Variants in CRY2 observed in about 807,000 individuals in gnomAD.
CRY2 encodes the protein cryptochrome-2.
A neutral mutation model predicts 69.5 loss-of-function variants in CRY2; 31 were observed. The observed-to-expected ratio is 0.45, with a 90% confidence interval of 0.34 to 0.60. The LOEUF is 0.60. Ranked by LOEUF, CRY2 falls within the 20% of genes least tolerant of loss-of-function variation. The pLI is 0.02. For synonymous variants in CRY2, 303 were observed against 312.2 expected, an observed-to-expected ratio of 0.97 and a Z score of 0.31; for missense variants, 606 against 797.8, an observed-to-expected ratio of 0.76 and a Z score of 2.90.
intron 5 of CRY2, among the ~76,000 whole-genome samples, chr11:45,862,471 G>T (rs2086295605): frequency 6.6e-6 from 1 of 152,206 alleles, no homozygotes; most frequent in Non-Finnish European, 1.5e-5. Flanking sequence ...GAGAGGTTAA[G>T]TAACTTGCCT....
intron 1 of CRY2, among the ~76,000 whole-genome samples, chr11:45,850,457 A>G (rs1419457967): frequency 1.3e-5 from 2 of 152,184 alleles, no homozygotes; most frequent in East Asian, 3.9e-4. Context: ...GAAGAAAGAG[A>G]TGAAGTAACA....
chr11:45,862,868 C>T (rs1466280938), intron 5 of CRY2, among the ~76,000 whole-genome samples: 1 of 152,200 alleles, frequency 6.6e-6, no homozygotes, highest in Admixed American at 6.5e-5. Flanking sequence ...TCCTCACTCC[C>T]CTGCAGCTAG....
chr11:45,867,772 C>G lies in CRY2; in HGVS notation c.882+20C>G. The G allele has an allele frequency of 6.2e-7, 1 of 1,613,970 alleles. No homozygotes were observed. Among genetic ancestry groups the G allele is most frequent in the South Asian group, 1.1e-5 (1 of 91,080 alleles). ...AAAAAGGTAAGGGGGACATACCTGC[C>G]CACATTGCACCTAAGGCCTGCAGCC... On this transcript the variant is annotated intron_variant, in intron 6 of 11. Transcript: ENST00000616080.
intron 3 of CRY2, 141 bp downstream of exon 3, chr11:45,859,014 T>C (rs2086264998): frequency 5.8e-6 from 6 of 1,037,510 alleles, no homozygotes; most frequent in Non-Finnish European, 6.9e-6. Context: ...TGGAGGAGAA[T>C]AGGCCAGAGT....
intron 6 of CRY2, among the ~76,000 whole-genome samples, 157 bp from the exon 7 acceptor site, chr11:45,869,349 G>A (rs1324906560): frequency 6.6e-6 from 1 of 152,220 alleles, no homozygotes; most frequent in Non-Finnish European, 1.5e-5. Flanking sequence ...TCACATGCAG[G>A]CATGCTGTGC....
At chr11:45,879,844 G>T (rs1468678241) in intron 11 of CRY2, among the ~76,000 whole-genome samples, 1 of 152,158 alleles carries the variant, frequency 6.6e-6, no homozygotes, top group African/African-American at 2.4e-5. Context: ...GCCAGGGTTG[G>T]CTTCTTTTCT....
Position 45,847,511 on chromosome 11 carries a change from G to T in CRY2, c.21G>T (p.Thr7=). The change falls in exon 1 of 12, where the codon ACG becomes ACT. Residue 7 remains threonine (T), a synonymous_variant. Coordinates refer to ENST00000616080, the MANE Select transcript of CRY2 (RefSeq NM_021117.5). The part of the protein sequence containing the change: MAATVA[T]AAAVAPAPAP... ...CAGTCATGGCGGCGACTGTGGCGAC[G>T]GCGGCAGCTGTGGCCCCGGCGCCAG... 1 of 1,592,202 alleles carries T rather than the reference G, an allele frequency of 6.3e-7. No individual in the cohort carries two copies. Among genetic ancestry groups the T allele is most frequent in the Non-Finnish European group, 8.5e-7 (1 of 1,173,944 alleles).
chr11:45,848,319 G>C (rs2086168716), intron 1 of CRY2, among the ~76,000 whole-genome samples: 1 of 152,204 alleles, frequency 6.6e-6, no homozygotes, highest in Non-Finnish European at 1.5e-5. Context: ...GGCGTCTTCA[G>C]GTGGAGTCGC....
chr11:45,862,768 G>A (rs1166401521), intron 5 of CRY2, among the ~76,000 whole-genome samples: 2 of 152,128 alleles, frequency 1.3e-5, no homozygotes, highest in African/African-American at 4.8e-5. Flanking sequence ...ATTTCCATAT[G>A]CTTGGACACA....
rs117955779 is a variant in CRY2, at chr11:45,867,893, C to T, written c.882+141C>T. 95 of 1,091,666 alleles carry T rather than the reference C, an allele frequency of 8.7e-5. 1 individual carries two copies. The highest frequency in any genetic ancestry group is 1.1e-4 in the Non-Finnish European group (83 of 774,062). The allele number at this position is 1,091,666 out of a possible 1,614,324, so 67.6% of individuals were successfully genotyped here. A position where few individuals can be genotyped will look rare whatever the true frequency, so the allele number is the denominator to read the frequency against. ...AGGGCCTAAGTGTGTGCAGATAGTCCGGAGGAGGAGAGAAGACTCAATATC... is the reference window on the plus strand; with the variant it reads ...AGGGCCTAAGTGTGTGCAGATAGTCTGGAGGAGGAGAGAAGACTCAATATC... On this transcript the variant is annotated intron_variant, in intron 6 of 11. Transcript: ENST00000616080.
intron 4 of CRY2, chr11:45,861,299 C>T (rs529447442): frequency 1.4e-4 from 56 of 410,672 alleles, no homozygotes; most frequent in African/African-American, 9.3e-4. Flanking sequence ...ACTAACCTCT[C>T]GCAGACAATA....
intron 5 of CRY2, 21 bp from the exon 6 acceptor site, chr11:45,867,591 C>T (rs1487537760): frequency 6.2e-7 from 1 of 1,613,902 alleles, no homozygotes; most frequent in Admixed American, 1.7e-5. Context: ...TTCCTTTTGC[C>T]ACCTTCTCTT....
Position 45,847,693 on chromosome 11 carries a change from T to G in CRY2, c.203T>G (p.Ile68Ser). The change falls in exon 1 of 12, where the codon ATC becomes AGC. Residue 68 changes from isoleucine (I) to serine (S), a missense_variant. Physicochemically the swap from Ile to Ser is moderately radical, Grantham distance 142. Around this residue, in one of 5 missense-constraint regions of CRY2, gnomAD observed 382 missense variants for 508.9 expected, o/e 0.75. Transcript: ENST00000616080. ...PWFAASSSVG[I>S]NRWRFLLQSL... The stretch of plus-strand genomic sequence containing the variant: ...TTCGCGGCCTCCTCCTCAGTCGGGA[T>G]CAACCGATGGAGGTGAGGGGACCCG... 6.4e-7 allele frequency: 1 copy of G among 1,573,546 alleles called. No individual in the cohort carries two copies.
chr11:45,872,377 C>T (rs1341899948), intron 11 of CRY2, 144 bp downstream of exon 11: 3 of 745,590 alleles, frequency 4.0e-6, no homozygotes, highest in South Asian at 1.8e-5. Flanking sequence ...AAAGCTTTAC[C>T]ATTTTACAGT....
chr11:45,867,465 A>G (rs1194415608), intron 5 of CRY2, 147 bp from the exon 6 acceptor site: 2 of 989,506 alleles, frequency 2.0e-6, no homozygotes, highest in African/African-American at 1.6e-5. Flanking sequence ...GTTCCGTCTC[A>G]AAATCGGCTG....
chr11:45,860,623 C>T (rs2086279619), intron 3 of CRY2, among the ~76,000 whole-genome samples: 2 of 152,102 alleles, frequency 1.3e-5, no homozygotes, highest in Admixed American at 1.3e-4. Flanking sequence ...CTGCCTTGCT[C>T]CATTACTGAG....
chr11:45,862,580 C>A (rs2086296583), intron 5 of CRY2, among the ~76,000 whole-genome samples: 2 of 152,178 alleles, frequency 1.3e-5, no homozygotes, highest in Admixed American at 6.5e-5. Flanking sequence ...TAGGAATGCT[C>A]ACCTTATAAC....
intron 1 of CRY2, among the ~76,000 whole-genome samples, chr11:45,853,459 G>A (rs1344930088): frequency 6.6e-6 from 1 of 152,146 alleles, no homozygotes; most frequent in Admixed American, 6.5e-5. Flanking sequence ...TCTCCTTTTA[G>A]TAAATGAGGT....
Position 45,860,831 on chromosome 11 carries a change from T to C in CRY2, c.468-17T>C, listed in dbSNP as rs1159382155. On this transcript the variant is annotated splice_polypyrimidine_tract_variant and intron_variant, in intron 3 of 11. Coordinates refer to ENST00000616080, the MANE Select transcript of CRY2 (RefSeq NM_021117.5). Reference sequence around the variant, plus strand: ...AGGGCCATGTGGGTAACACTAGCTATGCTTTGGGCTCCCCAGGATCATTGA... The same window carrying C: ...AGGGCCATGTGGGTAACACTAGCTACGCTTTGGGCTCCCCAGGATCATTGA... 1.2e-6 allele frequency: 2 copies of C among 1,612,358 alleles called. No homozygotes were observed. Among genetic ancestry groups the C allele is most frequent in the Non-Finnish European group, 1.7e-6 (2 of 1,178,574 alleles).
Sources: gnomAD v4.1 joint callset for allele counts (sites outside exome capture counted in the v4.1 genomes callset) on GRCh38, gnomAD v4.1.1 for gene constraint, gnomAD v4.1.1 regional missense constraint, MANE v1.5 for transcripts, NCBI Gene and HGNC (gene_info 2026-07-23, HGNC 2026-07-21) for gene names.